EPB41L2: variants seen among roughly 807,000 people sequenced by gnomAD.
The protein encoded by EPB41L2 is erythrocyte membrane protein band 4.1 like 2.
Under a neutral mutation model 113.0 loss-of-function variants are expected in EPB41L2, and 43 were observed. The ratio of observed to expected loss-of-function variants is 0.38; its 90% CI spans 0.30 to 0.49. The LOEUF (loss-of-function observed/expected upper bound fraction) is 0.49. EPB41L2 is among the 20% of genes least tolerant of loss of function. The pLI is 0.95. For synonymous variants in EPB41L2, 442 were observed against 436.7 expected, an observed-to-expected ratio of 1.01 and a Z score of -0.15; for missense variants, 1,147 against 1,223.4, an observed-to-expected ratio of 0.94 and a Z score of 0.93.
intron 1 of EPB41L2, among the ~76,000 whole-genome samples, chr6:131,039,221 T>C (rs1793958282): frequency 6.6e-6 from 1 of 152,192 alleles, no homozygotes; most frequent in South Asian, 2.1e-4. Context: ...TATGTTATGT[T>C]GGAATAAAAG....
At position 130,865,147 on chromosome 6, in the gene EPB41L2, T is replaced by C. The variant is rs563158118; in HGVS notation, c.2829+389A>G. 7.4e-4 allele frequency among the ~76,000 whole-genome samples: 113 copies of C among 152,376 alleles called. 1 individual carries two copies. Among genetic ancestry groups the C allele is most frequent in the African/African-American group, 2.6e-3 (108 of 41,598 alleles). Reference sequence around the variant, plus strand: ...TAGCGATCTTAAATGAGGGAAATTCTACATTATTTGAACAACTTGCTGAAA... The same window carrying C: ...TAGCGATCTTAAATGAGGGAAATTCCACATTATTTGAACAACTTGCTGAAA... On this transcript the variant is annotated intron_variant, in intron 17 of 19. Transcript: ENST00000337057.
intron 1 of EPB41L2, among the ~76,000 whole-genome samples, chr6:130,978,069 A>T (rs117457759): frequency 2.0e-5 from 3 of 152,236 alleles, no homozygotes; most frequent in East Asian, 1.9e-4. Context: ...TCCCTACCTA[A>T]CCCATCCCCT....
At chr6:130,952,116 G>C (rs1815337136) in intron 3 of EPB41L2, among the ~76,000 whole-genome samples, 1 of 152,174 alleles carries the variant, frequency 6.6e-6, no homozygotes, top group Non-Finnish European at 1.5e-5. Flanking sequence ...ACATACATTT[G>C]ATTGGTCCAA....
intron 15 of EPB41L2, among the ~76,000 whole-genome samples, 178 bp downstream of exon 15, chr6:130,869,385 T>C (rs1013718394): frequency 1.3e-5 from 2 of 152,130 alleles, no homozygotes; most frequent in African/African-American, 4.8e-5. Context: ...CTGGAACCCA[T>C]GAACTGGGCG....
At chr6:130,857,313 CAT>C (rs1235731985) in intron 19 of EPB41L2, among the ~76,000 whole-genome samples, 2 of 152,106 alleles carry the variant, frequency 1.3e-5, no homozygotes, top group African/African-American at 2.4e-5. Flanking sequence ...TTAGTTTGCA[CAT>C]AGTTTACTCA....
intron 3 of EPB41L2, among the ~76,000 whole-genome samples, chr6:130,937,664 C>CA (rs1229066314): frequency 6.6e-6 from 1 of 152,046 alleles, no homozygotes; most frequent in Non-Finnish European, 1.5e-5. Context: ...ACAGAAACTA[C>CA]AAAAAATTGC....
At position 130,904,439 on chromosome 6, in the gene EPB41L2, C is replaced by A. The variant is rs559130712; in HGVS notation, c.929+26G>T. On this transcript the variant is annotated intron_variant, in intron 6 of 19. Transcript: ENST00000337057. ...TAAACGAGAGCTGTAAGGAAAGGTT[C>A]ATTTAAAAATGCAAATATAAAGTAC... 6.0e-6 allele frequency: 9 copies of A among 1,495,672 alleles called. 1 individual carries two copies. The South Asian group carries it at 8.4e-5, about 14-fold the overall frequency. 92.7% of individuals were successfully genotyped at this position (1,495,672 alleles called of 1,614,324 possible). A position where few individuals can be genotyped will look rare whatever the true frequency, so the allele number is the denominator to read the frequency against.
chr6:130,885,373 A>G (rs756829943), intron 11 of EPB41L2, 105 bp from the exon 12 acceptor site: 91 of 1,026,396 alleles, frequency 8.9e-5, no homozygotes, highest in Non-Finnish European at 1.3e-4. Context: ...ATAAATAGTG[A>G]ACAGGAACAG....
chr6:130,894,149 C>A (rs1217865804), intron 10 of EPB41L2, among the ~76,000 whole-genome samples, 195 bp downstream of exon 10: 2 of 152,152 alleles, frequency 1.3e-5, no homozygotes, highest in African/African-American at 4.8e-5. Flanking sequence ...TCCTAATTCA[C>A]AGAGGTTACT....
At chr6:130,858,319 C>CACACA in intron 18 of EPB41L2, 76 bp from the exon 19 acceptor site, 2 of 1,165,232 alleles carry the variant, frequency 1.7e-6, no homozygotes, top group Non-Finnish European at 2.5e-6. Flanking sequence ...CACACACACA[C>CACACA]TGATCACCTC....
At chr6:131,002,120 TTAAC>T (rs1390721263) in intron 1 of EPB41L2, among the ~76,000 whole-genome samples, 1 of 152,172 alleles carries the variant, frequency 6.6e-6, no homozygotes, top group Admixed American at 6.5e-5. Context: ...AAAAAGAACT[TTAAC>T]TACCTGTTGA....
intron 19 of EPB41L2, among the ~76,000 whole-genome samples, chr6:130,857,652 A>G (rs1350041916): frequency 7.3e-6 from 1 of 136,834 alleles, no homozygotes; most frequent in Non-Finnish European, 1.5e-5. Flanking sequence ...TCCGCCTCCC[A>G]GGTTGAAATG....
At chr6:130,999,111 C>T (rs1330352194) in intron 1 of EPB41L2, among the ~76,000 whole-genome samples, 1 of 152,096 alleles carries the variant, frequency 6.6e-6, no homozygotes, top group African/African-American at 2.4e-5. Flanking sequence ...GTCCAGTTAC[C>T]AGGCTATGAC....
At chr6:131,032,384 C>T (rs1792351735) in intron 1 of EPB41L2, among the ~76,000 whole-genome samples, 1 of 152,016 alleles carries the variant, frequency 6.6e-6, no homozygotes, top group Admixed American at 6.6e-5. Context: ...CATAAACCTT[C>T]ACTTTTTTCC....
intron 1 of EPB41L2, among the ~76,000 whole-genome samples, chr6:131,011,156 G>A (rs79238820): frequency 8.5e-5 from 13 of 152,284 alleles, no homozygotes; most frequent in South Asian, 8.3e-4. Flanking sequence ...AGGGACACAG[G>A]GAGTAAGTGC....
chr6:130,870,797 C>T (rs1785369549), intron 14 of EPB41L2, among the ~76,000 whole-genome samples: 3 of 149,082 alleles, frequency 2.0e-5, no homozygotes, highest in African/African-American at 7.5e-5. Context: ...GGAGATGGCA[C>T]TTTTATTTTT....
intron 1 of EPB41L2, among the ~76,000 whole-genome samples, chr6:130,993,693 G>A (rs1782423881): frequency 6.6e-6 from 1 of 152,136 alleles, no homozygotes; most frequent in Non-Finnish European, 1.5e-5. Context: ...GCTGGCGCAA[G>A]TGACCTTGCT....
chr6:131,030,537 T>C (rs1018296295), intron 1 of EPB41L2, among the ~76,000 whole-genome samples: 1 of 152,188 alleles, frequency 6.6e-6, no homozygotes, highest in Non-Finnish European at 1.5e-5. Context: ...GATCCTCAAA[T>C]AGTAACTCTT....
At chr6:130,872,307 T>TA (rs1316316883) in intron 14 of EPB41L2, 25 of 1,205,606 alleles carry the variant, frequency 2.1e-5, no homozygotes, top group Non-Finnish European at 2.2e-5. Context: ...CCTGAATATT[T>TA]AAAAAAATGA....
Sources: gnomAD v4.1 joint callset for allele counts (sites outside exome capture counted in the v4.1 genomes callset) on GRCh38, gnomAD v4.1.1 for gene constraint, MANE v1.5 for transcripts, NCBI Gene and HGNC (gene_info 2026-07-23, HGNC 2026-07-21) for gene names.